XKR9: variants seen among roughly 807,000 people sequenced by gnomAD.
XKR9 encodes XK related 9.
XKR9 carries 32 observed loss-of-function variants against 32.0 expected under a neutral mutation model. That is an observed-to-expected ratio of 1.00 (90% CI 0.76 to 1.34). The LOEUF is 1.34. XKR9 is among the 40% of genes most tolerant of loss of function. The pLI, the probability that XKR9 is intolerant of heterozygous loss-of-function variation, is 0.00. For synonymous variants in XKR9, 168 were observed against 143.4 expected (o/e 1.17, Z -1.22); for missense variants, 546 against 429.7 (o/e 1.27, Z -2.39).
At chr8:71,022,534 C>T in the XKR9 span, among the ~76,000 whole-genome samples, 3 of 152,086 alleles carry the variant, frequency 2.0e-5, no homozygotes, top group African/African-American at 7.2e-5. Flanking sequence ...TTTTCTCTTG[C>T]TGTTTTCAGA....
chr8:70,921,729 G>T, the XKR9 span, among the ~76,000 whole-genome samples: 40 of 152,244 alleles, frequency 2.6e-4, no homozygotes, highest in African/African-American at 9.6e-4. Flanking sequence ...GGAGCGGCTG[G>T]CAGGCTTTCA....
At chr8:70,747,550 A>G (rs958819450) in intron 2 of XKR9, among the ~76,000 whole-genome samples, 1 of 152,150 alleles carries the variant, frequency 6.6e-6, no homozygotes, top group Admixed American at 6.5e-5. Flanking sequence ...GAGAGTTCCC[A>G]CCAGCAAGAA....
chr8:70,820,720 C>T, the XKR9 span, among the ~76,000 whole-genome samples: 1 of 152,058 alleles, frequency 6.6e-6, no homozygotes, highest in Non-Finnish European at 1.5e-5. Context: ...AGGAGAAGTG[C>T]CAAGAGTTAA....
chr8:70,959,220 G>T, the XKR9 span, among the ~76,000 whole-genome samples: 4 of 152,056 alleles, frequency 2.6e-5, no homozygotes, highest in Admixed American at 6.6e-5. Context: ...TGGAAAGTGG[G>T]AAATAATCTT....
the XKR9 span, among the ~76,000 whole-genome samples, chr8:70,990,585 A>G: frequency 2.7e-4 from 41 of 152,304 alleles, no homozygotes; most frequent in African/African-American, 9.9e-4. Flanking sequence ...AATATTTCCT[A>G]AAGGATCTCC....
At chr8:70,712,000 G>A (rs1012772173) in intron 4 of XKR9, among the ~76,000 whole-genome samples, 12 of 152,138 alleles carry the variant, frequency 7.9e-5, no homozygotes, top group Non-Finnish European at 1.5e-4. Flanking sequence ...AGAAAAAAAA[G>A]TCAGGTTGTG....
intron 3 of XKR9, among the ~76,000 whole-genome samples, chr8:70,685,739 TG>T (rs1563421511): frequency 1.9e-5 from 1 of 52,640 alleles, no homozygotes; most frequent in Non-Finnish European, 3.3e-5. Context: ...TGTTGTGGGG[TG>T]GGGGGAGGGG....
At chr8:70,707,973 G>C (rs1805778282) in intron 4 of XKR9, among the ~76,000 whole-genome samples, 1 of 152,080 alleles carries the variant, frequency 6.6e-6, no homozygotes, top group South Asian at 2.1e-4. Flanking sequence ...ATTTATTTCA[G>C]GGGATAAGAT....
At chr8:70,790,866 A>C (rs1807755261), downstream of XKR9, among the ~76,000 whole-genome samples, 1 of 152,062 alleles carries the variant, frequency 6.6e-6, no homozygotes, top group Admixed American at 6.6e-5. Flanking sequence ...AGGTGCTGGC[A>C]GATTTGGTAT....
the XKR9 span, among the ~76,000 whole-genome samples, chr8:71,026,566 C>T: frequency 1.3e-3 from 191 of 152,210 alleles, 1 homozygote; most frequent in African/African-American, 4.5e-3. Flanking sequence ...TTGCTATTGT[C>T]GCAGGGAATG....
At chr8:71,046,791 G>A in the XKR9 span, among the ~76,000 whole-genome samples, 1 of 152,180 alleles carries the variant, frequency 6.6e-6, no homozygotes, top group Non-Finnish European at 1.5e-5. Flanking sequence ...TTCTCAGATC[G>A]AGTGAATATG....
chr8:70,678,787 T>G (rs1259840559), intron 2 of XKR9, among the ~76,000 whole-genome samples: 1 of 152,234 alleles, frequency 6.6e-6, no homozygotes, highest in East Asian at 1.9e-4. Context: ...CTTTTAATAT[T>G]ATTCTGAAGA....
At chr8:70,876,218 CTTTT>C in the XKR9 span, among the ~76,000 whole-genome samples, 2 of 101,480 alleles carry the variant, frequency 2.0e-5, no homozygotes, top group African/African-American at 4.2e-5. Context: ...AAGATTCGTT[CTTTT>C]TTTTTTTTTT....
At chr8:70,913,610 T>C in the XKR9 span, among the ~76,000 whole-genome samples, 1 of 152,172 alleles carries the variant, frequency 6.6e-6, no homozygotes, top group African/African-American at 2.4e-5. Flanking sequence ...TTAAATGCAT[T>C]TGTATTGAGT....
intron 3 of XKR9, among the ~76,000 whole-genome samples, chr8:70,705,904 A>G (rs528461039): frequency 6.6e-6 from 1 of 152,248 alleles, no homozygotes; most frequent in African/African-American, 2.4e-5. Context: ...TGGAAGTGGT[A>G]AGAAGTGTTT....
chr8:71,052,592 C>A, the XKR9 span, among the ~76,000 whole-genome samples: 1 of 152,164 alleles, frequency 6.6e-6, no homozygotes, highest in Non-Finnish European at 1.5e-5. Context: ...TTGCTCCAGG[C>A]AGTCAGTATT....
intron 3 of XKR9, among the ~76,000 whole-genome samples, chr8:70,689,824 T>G (rs1443200439): frequency 6.6e-6 from 1 of 152,134 alleles, no homozygotes; most frequent in African/African-American, 2.4e-5. Context: ...AAAACTAATA[T>G]ATATTTATGT....
chr8:70,983,954 A>G, the XKR9 span, among the ~76,000 whole-genome samples: 1 of 152,210 alleles, frequency 6.6e-6, no homozygotes, highest in Non-Finnish European at 1.5e-5. Context: ...CAGGGCCTGA[A>G]TAACAATCAT....
chr8:70,801,190 C>G, the XKR9 span, among the ~76,000 whole-genome samples: 2 of 151,966 alleles, frequency 1.3e-5, no homozygotes, highest in Non-Finnish European at 2.9e-5. Flanking sequence ...CCATTCAACT[C>G]TGTCTTTTGC....
Sources: allele counts gnomAD v4.1 joint callset (sites outside exome capture counted in the v4.1 genomes callset), GRCh38; gene constraint gnomAD v4.1.1; transcripts MANE v1.5; gene names NCBI Gene and HGNC (gene_info 2026-07-23, HGNC 2026-07-21).